The following RFX1 variants were observed in gnomAD, a reference collection of about 807,000 sequenced individuals.
The protein encoded by RFX1 is regulatory factor X1.
A neutral mutation model predicts 119.6 loss-of-function variants in RFX1; 42 were observed. The observed-to-expected ratio is 0.35, with a 90% confidence interval of 0.27 to 0.45. RFX1 has a LOEUF of 0.45. Among genes scored for constraint, RFX1 ranks in the 20% least tolerant of loss-of-function variants. RFX1 has a pLI of 1.00. For missense variants in RFX1, 1,118 were observed against 1,368.1 expected, an observed-to-expected ratio of 0.82 and a Z score of 2.88; for synonymous variants, 628 against 618.5, an observed-to-expected ratio of 1.02 and a Z score of -0.23.
At chr19:13,978,674 G>T (rs1450744086) in intron 7 of RFX1, among the ~76,000 whole-genome samples, 1 of 152,204 alleles carries the variant, frequency 6.6e-6, no homozygotes, top group East Asian at 1.9e-4. Flanking sequence ...GGCTTGCGGG[G>T]CCTGGTGGGC....
rs199532107 is a variant in RFX1 at position 13,962,496 on chromosome 19, CAG to C, written c.*197_*198del. On this transcript the variant is annotated 3_prime_UTR_variant, in exon 21 of 21. Transcript: ENST00000254325. ...GTTCCTTAAGGCACGTCTTTTGTGT[CAG>C]AGTTTGCAGCTGCGGCTCCGCCCAG... 3.6e-3 allele frequency: 2,000 copies of C among 548,174 alleles called. 35 individuals carry two copies. The highest frequency in any genetic ancestry group is 0.035 in the African/African-American group (1,744 of 49,174). The allele number at this position is 548,174 out of a possible 1,614,324, so 34.0% of individuals were successfully genotyped here. A position where few individuals can be genotyped will look rare whatever the true frequency, so the allele number is the denominator to read the frequency against.
intron 2 of RFX1, among the ~76,000 whole-genome samples, chr19:13,989,766 T>C (rs1007612052): frequency 1.3e-5 from 2 of 151,998 alleles, no homozygotes; most frequent in East Asian, 1.9e-4. Context: ...CGGGACCTAA[T>C]GGACAGTTGT....
intron 16 of RFX1, among the ~76,000 whole-genome samples, chr19:13,964,300 A>G (rs1243000604): frequency 2.0e-5 from 3 of 152,060 alleles, no homozygotes; most frequent in Non-Finnish European, 2.9e-5. Flanking sequence ...CATGTTGCCC[A>G]GACTGGTCTC....
chr19:13,994,926 ATAT>A lies in RFX1; in HGVS notation c.-52-1034_-52-1032del, dbSNP rs1974953680. The stretch of plus-strand genomic sequence containing the variant: ...TATATATATATATATATATATATAT[ATAT>A]ATATATATAATCATTTTTTTCAGAG... On this transcript the variant is annotated intron_variant, in intron 1 of 20. Coordinates refer to ENST00000254325, the MANE Select transcript of RFX1 (RefSeq NM_002918.5). 3.4e-4 allele frequency among the ~76,000 whole-genome samples: 38 copies of A among 110,956 alleles called. 1 individual carries two copies. The highest frequency in any genetic ancestry group is 1.4e-3 in the African/African-American group (38 of 27,462). The allele number at this position is 110,956 out of a possible 152,430, so 72.8% of individuals were successfully genotyped here.
At chr19:13,972,400 G>A (rs1437344989) in intron 9 of RFX1, among the ~76,000 whole-genome samples, 1 of 152,040 alleles carries the variant, frequency 6.6e-6, no homozygotes, top group East Asian at 1.9e-4. Context: ...CACCATGTTG[G>A]TCGGGCTGGT....
chr19:13,981,391 T>C (rs947666598), intron 5 of RFX1, among the ~76,000 whole-genome samples: 1 of 151,450 alleles, frequency 6.6e-6, no homozygotes, highest in Non-Finnish European at 1.5e-5. Flanking sequence ...AGGTCAGGAG[T>C]TCAAGACCAG....
intron 6 of RFX1, 118 bp from the exon 7 acceptor site, chr19:13,979,660 C>G: frequency 1.8e-6 from 1 of 552,736 alleles, no homozygotes; most frequent in Non-Finnish European, 3.1e-6. Flanking sequence ...AAGAGGCCAC[C>G]ATTCTCCAGC....
At position 13,961,594 on chromosome 19, in the gene RFX1, G is replaced by A. The variant is rs1487277561; in HGVS notation, c.*1101C>T. 1 of 156,782 alleles carries A rather than the reference G, an allele frequency of 6.4e-6. No individual in the cohort carries two copies. The highest frequency in any genetic ancestry group is 2.4e-5 in the African/African-American group (1 of 41,432). 9.7% of individuals were successfully genotyped at this position (156,782 alleles called of 1,614,324 possible). ...ACTACAAAAAGGTAGAAAACAGCTC[G>A]GCACACTAGACTACCACACGTGTGG... is the stretch of plus-strand genomic sequence containing the variant. On this transcript the variant is annotated 3_prime_UTR_variant, in exon 21 of 21. Coordinates refer to ENST00000254325, the MANE Select transcript of RFX1 (RefSeq NM_002918.5).
intron 1 of RFX1, among the ~76,000 whole-genome samples, chr19:13,997,879 G>A (rs1299571282): frequency 6.6e-6 from 1 of 152,078 alleles, no homozygotes; most frequent in Non-Finnish European, 1.5e-5. Flanking sequence ...ACCGTGAGAG[G>A]GAAAAGGCTG....
rs1221467515 is a variant in RFX1 at position 13,966,374 on chromosome 19, T to A, written c.1961+47A>T. 2 of 1,277,622 alleles carry A rather than the reference T, an allele frequency of 1.6e-6. No homozygotes were observed. Among genetic ancestry groups the A allele is most frequent in the Admixed American group, 3.4e-5 (2 of 58,310 alleles). The allele number at this position is 1,277,622 out of a possible 1,614,324, so 79.1% of individuals were successfully genotyped here. On this transcript the variant is annotated intron_variant, in intron 14 of 20. Transcript: ENST00000254325. This position sits in a 1 kb window ranked among gnomAD's most constrained non-coding sequence, Gnocchi z 6.3. ...GGCCATCAAAATCACCTGCGGGTCA[T>A]GCCCTCCTCCCCCCTCTCCCTCCCA...
chr19:13,972,085 C>T (rs1816923163), intron 9 of RFX1, among the ~76,000 whole-genome samples: 1 of 150,006 alleles, frequency 6.7e-6, no homozygotes, highest in African/African-American at 2.5e-5. Flanking sequence ...GGGAGGATCA[C>T]TTGAGCCTGG....
Position 13,980,739 on chromosome 19 carries a change from C to CTCTGGGGTGGGCTCGCATCCTA in RFX1, c.622-51_622-50insTAGGATGCGAGCCCACCCCAGA. The CTCTGGGGTGGGCTCGCATCCTA allele has an allele frequency of 1.4e-6, 2 of 1,386,966 alleles. No homozygotes were observed. The highest frequency in any genetic ancestry group is 2.3e-5 in the East Asian group (1 of 42,960). The allele number at this position is 1,386,966 out of a possible 1,614,324, so 85.9% of individuals were successfully genotyped here. On this transcript the variant is annotated intron_variant, in intron 5 of 20. Coordinates refer to ENST00000254325, the MANE Select transcript of RFX1 (RefSeq NM_002918.5). This position sits in a 1 kb window ranked among gnomAD's most constrained non-coding sequence, Gnocchi z 5.1. ...TGCCGCTGGGGTGGGCTTGCATCCTCTCTGAGGTGGGCTCACACACACACC... is the reference window on the plus strand; with the variant it reads ...TGCCGCTGGGGTGGGCTTGCATCCTCTCTGGGGTGGGCTCGCATCCTATCTGAGGTGGGCTCACACACACACC...
At position 13,983,167 on chromosome 19, in the gene RFX1, G is replaced by T; in HGVS notation, c.513+20C>A. ...CCTGAGGGAGCCTTCCAGGGTGGTG[G>T]CCAGGTGCAGCAGCATTACCTGCTG... On this transcript the variant is annotated intron_variant, in intron 4 of 20. Transcript: ENST00000254325. 6.5e-7 allele frequency: 1 copy of T among 1,538,170 alleles called. No homozygotes were observed.
Position 13,986,117 on chromosome 19 carries a change from C to A in RFX1, c.320-2522G>T, listed in dbSNP as rs114169012. 6.6e-6 allele frequency among the ~76,000 whole-genome samples: 1 copy of A among 152,182 alleles called. No individual in the cohort carries two copies. The highest frequency in any genetic ancestry group is 2.4e-5 in the African/African-American group (1 of 41,438). ...CCCTCCTGGGAGAAACCCGAGACAG[C>A]CCCGAGTCATGTGACCGGCACTGCA... is the stretch of plus-strand genomic sequence containing the variant. On this transcript the variant is annotated intron_variant, in intron 2 of 20. Coordinates refer to ENST00000254325, the MANE Select transcript of RFX1 (RefSeq NM_002918.5). This position sits in a 1 kb window ranked among gnomAD's most constrained non-coding sequence, Gnocchi z 4.2.
At chr19:13,973,949 T>TAA (rs57115525) in intron 8 of RFX1, among the ~76,000 whole-genome samples, 1,777 of 141,116 alleles carry the variant, frequency 0.013, 46 homozygotes, top group African/African-American at 0.044. Flanking sequence ...TCTTTTTAAT[T>TAA]AAAAAAAAAA....
At position 13,980,541 on chromosome 19, in the gene RFX1, G is replaced by A. The variant is rs1297878005; in HGVS notation, c.738+32C>T. On this transcript the variant is annotated intron_variant, in intron 6 of 20. Transcript: ENST00000254325. The surrounding 1 kb of genome is among the most constrained non-coding windows in gnomAD (Gnocchi z 5.1). ...CAGAGGCTGCCTGGCCGGTACCCCT[G>A]GACCGAGCCACTGCCCGCCTTGGCC... 1.4e-6 allele frequency: 2 copies of A among 1,415,016 alleles called. No individual in the cohort carries two copies. The highest frequency in any genetic ancestry group is 2.8e-5 in the African/African-American group (2 of 70,914). The allele number at this position is 1,415,016 out of a possible 1,614,324, so 87.7% of individuals were successfully genotyped here.
chr19:14,001,399 C>A (rs1433189085), intron 1 of RFX1, among the ~76,000 whole-genome samples: 1 of 152,122 alleles, frequency 6.6e-6, no homozygotes, highest in African/African-American at 2.4e-5. Context: ...TTCCTGGGCT[C>A]AAGTGATCCT....
Position 13,962,565 on chromosome 19 carries a change from T to A in RFX1, c.*130A>T. On this transcript the variant is annotated 3_prime_UTR_variant, in exon 21 of 21. Coordinates refer to ENST00000254325, the MANE Select transcript of RFX1 (RefSeq NM_002918.5). ...GCCCCATAAGGGAGGAGGGCCCCGG[T>A]CTTCCCTGTCTCGGAGTCCCCCTCC... 1 of 737,184 alleles carries A rather than the reference T, an allele frequency of 1.4e-6. No homozygotes were observed. The highest frequency in any genetic ancestry group is 2.1e-6 in the Non-Finnish European group (1 of 477,656). The allele number at this position is 737,184 out of a possible 1,614,324, so 45.7% of individuals were successfully genotyped here.
At chr19:13,973,206 G>T in intron 8 of RFX1, 79 bp from the exon 9 acceptor site, 1 of 961,520 alleles carries the variant, frequency 1.0e-6, no homozygotes, top group South Asian at 1.4e-5. Context: ...GCAGGAAGGG[G>T]GGTCCTAGGA....
Sources: allele counts gnomAD v4.1 joint callset (sites outside exome capture counted in the v4.1 genomes callset), GRCh38; gene constraint gnomAD v4.1.1; non-coding constraint Gnocchi (gnomAD v3.1); transcripts MANE v1.5; gene names NCBI Gene and HGNC (gene_info 2026-07-23, HGNC 2026-07-21).